The following HSD17B2 variants were observed in gnomAD, a reference collection of about 807,000 sequenced individuals.
HSD17B2 encodes the protein hydroxysteroid 17-beta dehydrogenase 2, also known as 17-beta-hydroxysteroid dehydrogenase type 2.
HSD17B2 carries 32 observed loss-of-function variants against 26.9 expected under a neutral mutation model. That is an observed-to-expected ratio of 1.19 (90% CI 0.90 to 1.60). HSD17B2 has a LOEUF of 1.60. Ranked by LOEUF, HSD17B2 falls within the 40% of genes most tolerant of loss-of-function variation. The pLI, the probability that HSD17B2 is intolerant of heterozygous loss-of-function variation, is 0.00. For missense variants in HSD17B2, 613 were observed against 468.6 expected (o/e 1.31, Z -2.85); for synonymous variants, 246 against 186.7 (o/e 1.32, Z -2.59).
chr16:82,063,252 A>C (rs114666100), intron 1 of HSD17B2: 1 of 152,314 alleles, frequency 6.6e-6, no homozygotes, highest in Non-Finnish European at 1.5e-5. Flanking sequence ...GAGTGGAAAC[A>C]TCTGAAAATT....
At position 82,098,070 on chromosome 16, in the gene HSD17B2, C is replaced by T. The variant is rs752724273; in HGVS notation, c.803-5C>T. ...ATCTGACTCTTCCCTTTCCTTTCAC[C>T]CCAGATATCGCAGGCACCAGTGACA... On this transcript the variant is annotated splice_region_variant and splice_polypyrimidine_tract_variant and intron_variant, in intron 4 of 4. Transcript: ENST00000199936. 1 of 1,605,232 alleles carries T rather than the reference C, an allele frequency of 6.2e-7. No individual in the cohort carries two copies. Among genetic ancestry groups the T allele is most frequent in the Non-Finnish European group, 8.5e-7 (1 of 1,174,886 alleles).
At chr16:82,045,499 T>C (rs1035810734) in intron 1 of HSD17B2, among the ~76,000 whole-genome samples, 4 of 152,266 alleles carry the variant, frequency 2.6e-5, no homozygotes, top group African/African-American at 9.6e-5. Context: ...GTAGCTGCTT[T>C]ATAAAATATA....
At chr16:82,059,348 G>T (rs1375539001) in intron 1 of HSD17B2, among the ~76,000 whole-genome samples, 1 of 152,192 alleles carries the variant, frequency 6.6e-6, no homozygotes, top group Non-Finnish European at 1.5e-5. Context: ...TCCAGACATT[G>T]CCAGATATTC....
intron 3 of HSD17B2, among the ~76,000 whole-genome samples, chr16:82,079,416 C>T (rs577551918): frequency 5.9e-5 from 9 of 152,334 alleles, no homozygotes; most frequent in Non-Finnish European, 1.3e-4. Context: ...ACATGGTCAT[C>T]TCTCTGTCTG....
At chr16:82,072,228 GAA>G (rs1009034442) in intron 3 of HSD17B2, among the ~76,000 whole-genome samples, 8 of 152,148 alleles carry the variant, frequency 5.3e-5, no homozygotes, top group Admixed American at 4.6e-4. Flanking sequence ...GAGAGAGAGA[GAA>G]AGAGTTGGGG....
At chr16:82,067,290 T>G (rs1477614457) in intron 1 of HSD17B2, among the ~76,000 whole-genome samples, 1 of 152,220 alleles carries the variant, frequency 6.6e-6, no homozygotes, top group African/African-American at 2.4e-5. Context: ...ACTTTCTTAT[T>G]AAAACAAGAG....
chr16:82,047,800 T>G (rs1913980389), intron 1 of HSD17B2, among the ~76,000 whole-genome samples: 1 of 152,168 alleles, frequency 6.6e-6, no homozygotes, highest in African/African-American at 2.4e-5. Flanking sequence ...TGCCTGGATT[T>G]CCAGATGGAC....
chr16:82,097,429 C>G (rs1206515765), intron 4 of HSD17B2: 1 of 151,474 alleles, frequency 6.6e-6, no homozygotes, highest in Non-Finnish European at 1.5e-5. Context: ...GTTGCCCAGG[C>G]TGATCTTGAA....
chr16:82,081,786 G>T (rs1015273369), intron 3 of HSD17B2, among the ~76,000 whole-genome samples: 2 of 151,994 alleles, frequency 1.3e-5, no homozygotes, highest in African/African-American at 4.8e-5. Flanking sequence ...TTTAAGTTCT[G>T]GGGTACATGT....
chr16:82,088,161 C>T (rs183921854), intron 3 of HSD17B2, among the ~76,000 whole-genome samples: 2 of 152,238 alleles, frequency 1.3e-5, no homozygotes, highest in East Asian at 3.9e-4. Context: ...TTCAGTGGGT[C>T]CAGGGTGGCT....
chr16:82,072,503 T>A (rs979895506), intron 3 of HSD17B2, among the ~76,000 whole-genome samples: 1 of 152,192 alleles, frequency 6.6e-6, no homozygotes, highest in Non-Finnish European at 1.5e-5. Context: ...ACTTATATAA[T>A]AAATATTTAC....
chr16:82,083,332 T>C (rs1904432214), intron 3 of HSD17B2, among the ~76,000 whole-genome samples: 1 of 151,880 alleles, frequency 6.6e-6, no homozygotes. Context: ...GTAAAAGACA[T>C]CATGTAGGAA....
chr16:82,065,766 C>A (rs1352223964), intron 1 of HSD17B2, among the ~76,000 whole-genome samples: 1 of 152,238 alleles, frequency 6.6e-6, no homozygotes, highest in Non-Finnish European at 1.5e-5. Context: ...TCCAGTACGA[C>A]AGTGACTCAT....
chr16:82,061,194 G>C (rs1480589182), intron 1 of HSD17B2, among the ~76,000 whole-genome samples: 1 of 151,550 alleles, frequency 6.6e-6, no homozygotes, highest in Non-Finnish European at 1.5e-5. Context: ...GGAGGCAGAG[G>C]ATGCAGTAAG....
intron 4 of HSD17B2, chr16:82,092,226 G>T (rs1904715561): frequency 6.6e-6 from 1 of 151,974 alleles, no homozygotes; most frequent in African/African-American, 2.4e-5. Flanking sequence ...TTATATTTCA[G>T]AAACAATATT....
At position 82,066,017 on chromosome 16, in the gene HSD17B2, C is replaced by T. The variant is rs796068328; in HGVS notation, c.266-2153C>T. 2.0e-5 allele frequency among the ~76,000 whole-genome samples: 3 copies of T among 152,310 alleles called. No individual in the cohort carries two copies. The East Asian group carries it at 5.8e-4, about 29-fold the overall frequency. On this transcript the variant is annotated intron_variant, in intron 1 of 4. Coordinates refer to ENST00000199936, the MANE Select transcript of HSD17B2 (RefSeq NM_002153.3). ...CTTGCCAGTGTCCAGCATCTGGCCT[C>T]AGCACTGTGGATCCAGAAGTTGGAT...
chr16:82,086,294 C>A (rs1904525142), intron 3 of HSD17B2, among the ~76,000 whole-genome samples: 1 of 152,156 alleles, frequency 6.6e-6, no homozygotes, highest in African/African-American at 2.4e-5. Context: ...TATTTTTCAG[C>A]TTTACAAAGA....
intron 4 of HSD17B2, chr16:82,092,123 T>C (rs1411148578): frequency 6.6e-6 from 1 of 152,248 alleles, no homozygotes; most frequent in Non-Finnish European, 1.5e-5. Context: ...GCTTCAGAGC[T>C]TATTTTCATC....
At chr16:82,043,639 G>A (rs1448469548) in intron 1 of HSD17B2, among the ~76,000 whole-genome samples, 2 of 130,700 alleles carry the variant, frequency 1.5e-5, no homozygotes, top group Non-Finnish European at 3.0e-5. Context: ...AGTCGAGATC[G>A]CGCCACTGCA....
Sources: allele counts gnomAD v4.1 joint callset (sites outside exome capture counted in the v4.1 genomes callset), GRCh38; gene constraint gnomAD v4.1.1; transcripts MANE v1.5; gene names NCBI Gene and HGNC (gene_info 2026-07-23, HGNC 2026-07-21).